VGLL3: variants seen among roughly 807,000 people sequenced by gnomAD.
The protein encoded by VGLL3 is vestigial like family member 3, also known as transcription cofactor vestigial-like protein 3.
A neutral mutation model predicts 29.2 loss-of-function variants in VGLL3; 18 were observed. The observed-to-expected ratio is 0.62, with a 90% CI of 0.43 to 0.91. The LOEUF (loss-of-function observed/expected upper bound fraction) is 0.91, where lower values mean the gene tolerates loss of function less well. Among genes scored for constraint, VGLL3 ranks in the 40% least tolerant of loss-of-function variants. The pLI is 0.00. For missense variants in VGLL3, 440 were observed against 413.2 expected, an observed-to-expected ratio of 1.06 and a Z score of -0.56; for synonymous variants, 180 against 151.8, an observed-to-expected ratio of 1.19 and a Z score of -1.36.
chr3:86,982,970 A>G (rs933920175), intron 1 of VGLL3, among the ~76,000 whole-genome samples: 1 of 152,192 alleles, frequency 6.6e-6, no homozygotes, highest in Non-Finnish European at 1.5e-5. Flanking sequence ...GGCAGTACAG[A>G]CCATATCCAA....
chr3:86,988,435 A>G (rs1190477270), intron 1 of VGLL3, among the ~76,000 whole-genome samples: 3 of 151,762 alleles, frequency 2.0e-5, no homozygotes, highest in Admixed American at 6.6e-5. Context: ...GGGCCAAGTC[A>G]ATATTAGTCC....
rs1462945969 is a variant in VGLL3, at chr3:86,942,415, G to A, written c.*4609C>T. The A allele has an allele frequency of 6.6e-6, 1 of 151,724 alleles. No individual in the cohort carries two copies. Among genetic ancestry groups the A allele is most frequent in the Non-Finnish European group, 1.5e-5 (1 of 67,978 alleles). 9.4% of individuals were successfully genotyped at this position (151,724 alleles called of 1,614,324 possible). A position where few individuals can be genotyped will look rare whatever the true frequency, so the allele number is the denominator to read the frequency against. On this transcript the variant is annotated 3_prime_UTR_variant, in exon 4 of 4. Transcript: ENST00000398399. ...TTGTTTCTTTTTTTCCTTGAGTAGA[G>A]TAAATCTGCTGACTGAGATCGTAAA...
rs1159494900 is a variant in VGLL3 at position 86,941,769 on chromosome 3, TC to T, written c.*5254del. The T allele has an allele frequency of 2.0e-5, 3 of 151,916 alleles. No individual in the cohort carries two copies. The highest frequency in any genetic ancestry group is 4.4e-5 in the Non-Finnish European group (3 of 67,986). The allele number at this position is 151,916 out of a possible 1,614,324, so 9.4% of individuals were successfully genotyped here. A position where few individuals can be genotyped will look rare whatever the true frequency, so the allele number is the denominator to read the frequency against. ...GTTGTAAAAGTGTACATGGTGCAAT[TC>T]CCAGAGAGCACTACAAGATTCAAAA... On this transcript the variant is annotated 3_prime_UTR_variant, in exon 4 of 4. Coordinates refer to ENST00000398399, the MANE Select transcript of VGLL3 (RefSeq NM_016206.4).
chr3:86,969,402 G>C (rs1312024908), intron 2 of VGLL3, among the ~76,000 whole-genome samples: 1 of 152,142 alleles, frequency 6.6e-6, no homozygotes, highest in Admixed American at 6.5e-5. Flanking sequence ...TTTGCAATTT[G>C]GGGATTGAAA....
chr3:86,950,821 C>T (rs553705212), intron 3 of VGLL3, among the ~76,000 whole-genome samples: 1 of 152,126 alleles, frequency 6.6e-6, no homozygotes, highest in Non-Finnish European at 1.5e-5. Context: ...CACCCCCTGC[C>T]GGACTTCTCC....
At chr3:86,955,656 G>A (rs1487888856) in intron 3 of VGLL3, among the ~76,000 whole-genome samples, 1 of 152,144 alleles carries the variant, frequency 6.6e-6, no homozygotes, top group Non-Finnish European at 1.5e-5. Flanking sequence ...CTCCCAAAGT[G>A]TTGGGATTAC....
chr3:86,978,919 ATTC>A, intron 1 of VGLL3, 117 bp from the exon 2 acceptor site: 1 of 1,160,262 alleles, frequency 8.6e-7, no homozygotes, highest in Non-Finnish European at 1.2e-6. Context: ...TTGCAAACTG[ATTC>A]TTCTTCATCT....
chr3:86,969,740 G>A (rs1413158807), intron 2 of VGLL3, among the ~76,000 whole-genome samples: 1 of 151,036 alleles, frequency 6.6e-6, no homozygotes, highest in Non-Finnish European at 1.5e-5. Context: ...AGATCTGGGA[G>A]TCTCTAGACC....
intron 2 of VGLL3, among the ~76,000 whole-genome samples, chr3:86,969,793 CA>C (rs1279371220): frequency 6.6e-6 from 1 of 151,450 alleles, no homozygotes; most frequent in Non-Finnish European, 1.5e-5. Flanking sequence ...ATCAAATGCC[CA>C]ACATTTTTCC....
intron 3 of VGLL3, among the ~76,000 whole-genome samples, chr3:86,954,461 C>T (rs934138814): frequency 1.3e-5 from 2 of 152,158 alleles, no homozygotes; most frequent in African/African-American, 4.8e-5. Context: ...TTGCCTTTAG[C>T]GACATCCACT....
At chr3:86,947,801 C>T (rs1418367090) in intron 3 of VGLL3, among the ~76,000 whole-genome samples, 2 of 151,928 alleles carry the variant, frequency 1.3e-5, no homozygotes, top group African/African-American at 4.8e-5. Flanking sequence ...TTAATTCAAA[C>T]TCAAAGCTAA....
chr3:86,960,319 T>C (rs1704811653), intron 3 of VGLL3, among the ~76,000 whole-genome samples: 1 of 152,114 alleles, frequency 6.6e-6, no homozygotes, highest in Non-Finnish European at 1.5e-5. Context: ...CCACTTAATG[T>C]GATTCTGTTT....
rs1704470351 is a variant in VGLL3 at position 86,944,685 on chromosome 3, A to G, written c.*2339T>C. 1 of 152,196 alleles carries G rather than the reference A, an allele frequency of 6.6e-6. No individual in the cohort carries two copies. 9.4% of individuals were successfully genotyped at this position (152,196 alleles called of 1,614,324 possible). On this transcript the variant is annotated 3_prime_UTR_variant, in exon 4 of 4. Transcript: ENST00000398399. ...ACAGTTACCGGGAGAACACAGAGCA[A>G]AGTCTAAATTCAGGGTGAAGACATC...
In VGLL3 at chr3:86,946,963, T is replaced by C; in HGVS notation, c.*61A>G. 1 of 773,364 alleles carries C rather than the reference T, an allele frequency of 1.3e-6. No individual in the cohort carries two copies. Among genetic ancestry groups the C allele is most frequent in the Non-Finnish European group, 2.4e-6 (1 of 414,476 alleles). The allele number at this position is 773,364 out of a possible 1,614,324, so 47.9% of individuals were successfully genotyped here. Reference sequence around the variant, plus strand: ...ATTGCTGAATGGAAAAACCCGACAGTATCTTTTCCCAGTGGGCCCTTGGAT... The same window carrying C: ...ATTGCTGAATGGAAAAACCCGACAGCATCTTTTCCCAGTGGGCCCTTGGAT... On this transcript the variant is annotated 3_prime_UTR_variant, in exon 4 of 4. Coordinates refer to ENST00000398399, the MANE Select transcript of VGLL3 (RefSeq NM_016206.4).
rs1356068660 is a variant in VGLL3 at position 86,955,406 on chromosome 3, G to A, written c.938-8339C>T. Among the ~76,000 whole-genome samples the A allele has an allele frequency of 4.0e-5, 5 of 125,978 alleles. No individual in the cohort carries two copies. In the South Asian group the frequency reaches 7.4e-4, roughly 19 times the overall value. The allele number at this position is 125,978 out of a possible 152,430, so 82.6% of individuals were successfully genotyped here. ...TTTTTTTTTTTTTTTTTTTTGAGAC[G>A]AAGTCTCACTCTGTCACCCAGGCTG... is the stretch of plus-strand genomic sequence containing the variant. On this transcript the variant is annotated intron_variant, in intron 3 of 3. Coordinates refer to ENST00000398399, the MANE Select transcript of VGLL3 (RefSeq NM_016206.4).
chr3:86,956,347 T>TA (rs1402937644), intron 3 of VGLL3, among the ~76,000 whole-genome samples: 1 of 152,220 alleles, frequency 6.6e-6, no homozygotes, highest in Non-Finnish European at 1.5e-5. Context: ...CTTCCTTCTA[T>TA]AGTGAGTGAG....
chr3:86,970,005 A>G (rs1200796755), intron 2 of VGLL3, among the ~76,000 whole-genome samples: 1 of 152,160 alleles, frequency 6.6e-6, no homozygotes, highest in Non-Finnish European at 1.5e-5. Context: ...AGAGGGCGCA[A>G]TTGTAACTGT....
At chr3:86,975,948 C>A (rs549125102) in intron 2 of VGLL3, among the ~76,000 whole-genome samples, 1 of 151,954 alleles carries the variant, frequency 6.6e-6, no homozygotes, top group East Asian at 1.9e-4. Context: ...CCCGTCTCTA[C>A]CAAAAAAATA....
chr3:86,987,775 A>G (rs942235044), intron 1 of VGLL3, among the ~76,000 whole-genome samples: 2 of 152,012 alleles, frequency 1.3e-5, no homozygotes, highest in Non-Finnish European at 2.9e-5. Flanking sequence ...AGCCCACTGT[A>G]TACCTAAGTA....
Sources: gnomAD v4.1 joint callset for allele counts (sites outside exome capture counted in the v4.1 genomes callset) on GRCh38, gnomAD v4.1.1 for gene constraint, MANE v1.5 for transcripts, NCBI Gene and HGNC (gene_info 2026-07-23, HGNC 2026-07-21) for gene names.